BICRA: variants seen among roughly 807,000 people sequenced by gnomAD.
The protein encoded by BICRA is BRD4-interacting chromatin-remodeling complex-associated protein.
BICRA carries 31 observed loss-of-function variants against 96.9 expected under a neutral mutation model. That is an observed-to-expected ratio of 0.32 (90% CI 0.24 to 0.43). The LOEUF (loss-of-function observed/expected upper bound fraction) is 0.43, where lower values mean the gene tolerates loss of function less well. Among genes scored for constraint, BICRA ranks in the 20% least tolerant of loss-of-function variants. BICRA has a pLI of 1.00. For missense variants in BICRA, 2,283 were observed against 2,190.3 expected, an observed-to-expected ratio of 1.04 and a Z score of -0.84; for synonymous variants, 1,350 against 1,071.8, an observed-to-expected ratio of 1.26 and a Z score of -5.07.
intron 1 of BICRA, among the ~76,000 whole-genome samples, chr19:47,609,478 C>A (rs1196395169): frequency 3.2e-5 from 1 of 31,314 alleles, no homozygotes; most frequent in Non-Finnish European, 1.8e-4. Flanking sequence ...CCTATGGGGA[C>A]CCCCCCCCAA....
In BICRA at chr19:47,664,770, G is replaced by T. The variant is rs938186198; in HGVS notation, c.-107-5673G>T. Among the ~76,000 whole-genome samples, 4 of 152,342 alleles carry T rather than the reference G, an allele frequency of 2.6e-5. No homozygotes were observed. The South Asian group carries it at 8.3e-4, about 32-fold the overall frequency. ...TCGTGTGTGTGCCCGTGGGGGGTTG[G>T]CTGTGGCTCTGGCCACATGTCCGCC... On this transcript the variant is annotated intron_variant, in intron 1 of 14. Transcript: ENST00000594866.
At chr19:47,688,838 T>G (rs1433851718) in intron 7 of BICRA, among the ~76,000 whole-genome samples, 2 of 152,216 alleles carry the variant, frequency 1.3e-5, no homozygotes, top group African/African-American at 4.8e-5. Flanking sequence ...ATTTTTTGTT[T>G]TTGAGACAGA....
In BICRA at chr19:47,691,294, C is replaced by T. The variant is rs140226980; in HGVS notation, c.2284-2821C>T. Among the ~76,000 whole-genome samples the T allele has an allele frequency of 2.0e-4, 31 of 152,344 alleles. No individual in the cohort carries two copies. The East Asian group carries it at 4.0e-3, about 20-fold the overall frequency. On this transcript the variant is annotated intron_variant, in intron 7 of 14. Transcript: ENST00000594866. ...CAGACAGAATGCTCAGGATGGGAGC[C>T]GCAGGCTTTTTATAACTAATCTTGG...
intron 4 of BICRA, among the ~76,000 whole-genome samples, chr19:47,674,056 A>G (rs1972905699): frequency 6.6e-6 from 1 of 152,244 alleles, no homozygotes; most frequent in Admixed American, 6.5e-5. Flanking sequence ...GAGGTTTAAA[A>G]GAAAATAAAT....
chr19:47,698,585 G>GACC lies in BICRA; in HGVS notation c.3249-49_3249-48insACC. The GACC allele has an allele frequency of 5.5e-6, 3 of 549,028 alleles. No individual in the cohort carries two copies. The highest frequency in any genetic ancestry group is 1.1e-5 in the Non-Finnish European group (3 of 275,624). 34.0% of individuals were successfully genotyped at this position (549,028 alleles called of 1,614,324 possible). A position where few individuals can be genotyped will look rare whatever the true frequency, so the allele number is the denominator to read the frequency against. On this transcript the variant is annotated intron_variant, in intron 11 of 14. Coordinates refer to ENST00000594866, the MANE Select transcript of BICRA (RefSeq NM_001394372.1). This position sits in a 1 kb window ranked among gnomAD's most constrained non-coding sequence, Gnocchi z 4.8. ...CAGGGACTTCCCCTGGCCCTCACCC[G>GACC]TCCCCCCCACCCTCCGCCGTGTGTG...
At chr19:47,620,677 A>AC (rs1555784135) in intron 1 of BICRA, among the ~76,000 whole-genome samples, 8 of 150,790 alleles carry the variant, frequency 5.3e-5, no homozygotes, top group Non-Finnish European at 1.0e-4. Flanking sequence ...CAAAAAAAAA[A>AC]AAAAAAAAAA....
intron 1 of BICRA, among the ~76,000 whole-genome samples, chr19:47,610,902 C>G (rs951415903): frequency 6.6e-6 from 1 of 152,118 alleles, no homozygotes; most frequent in Non-Finnish European, 1.5e-5. Flanking sequence ...GACATGTTGA[C>G]CTCCCTTGCC....
chr19:47,631,423 T>C (rs1357368114), intron 1 of BICRA, among the ~76,000 whole-genome samples: 1 of 152,122 alleles, frequency 6.6e-6, no homozygotes, highest in Non-Finnish European at 1.5e-5. Context: ...AGACAGGGTT[T>C]CACCATATTG....
At chr19:47,609,874 G>A (rs755444881) in intron 1 of BICRA, among the ~76,000 whole-genome samples, 14 of 152,100 alleles carry the variant, frequency 9.2e-5, no homozygotes, top group Admixed American at 2.0e-4. Flanking sequence ...AATGAAAGGA[G>A]TTGACTTGAC....
intron 1 of BICRA, among the ~76,000 whole-genome samples, chr19:47,646,175 C>T (rs547833560): frequency 4.6e-5 from 7 of 152,138 alleles, no homozygotes; most frequent in Admixed American, 3.9e-4. Context: ...ATTTTGGGAT[C>T]TGGCAGGGGG....
rs1323792842 is a variant in BICRA, at chr19:47,694,555, C to G, written c.2724C>G (p.Leu908=). 1.9e-6 allele frequency: 3 copies of G among 1,611,316 alleles called. No homozygotes were observed. ...CCCCTACGCCATCCGACTTCCAGCT[C>G]CAGTTCCCACCCAGCCAGGGGCCCC... ...LPAPTPSDFQ[L]QFPPSQGPHK... Residue 908 remains leucine (L), a synonymous_variant, in exon 8 of 15, where the codon CTC becomes CTG. Transcript: ENST00000594866.
intron 1 of BICRA, among the ~76,000 whole-genome samples, chr19:47,660,348 G>A (rs1397073813): frequency 6.6e-6 from 1 of 152,116 alleles, no homozygotes; most frequent in Admixed American, 6.5e-5. Context: ...AGGATTTTGA[G>A]CCTACCCAGA....
chr19:47,623,066 C>G (rs908502119), intron 1 of BICRA, among the ~76,000 whole-genome samples: 4 of 151,504 alleles, frequency 2.6e-5, no homozygotes, highest in Non-Finnish European at 5.9e-5. Context: ...TGTGTGTACT[C>G]TCATATATTA....
chr19:47,615,071 C>T (rs1310094224), intron 1 of BICRA, among the ~76,000 whole-genome samples: 3 of 152,190 alleles, frequency 2.0e-5, no homozygotes, highest in Non-Finnish European at 4.4e-5. Flanking sequence ...CAGCATTATC[C>T]TTCCTGGGCT....
chr19:47,682,672 C>T (rs1443451716), intron 7 of BICRA, among the ~76,000 whole-genome samples: 5 of 135,514 alleles, frequency 3.7e-5, no homozygotes, highest in African/African-American at 1.2e-4. Context: ...TTCATTCTCT[C>T]TCTCTTTTTT....
At chr19:47,634,836 C>CACTGCAAGCTCTGCTTCCCG (rs984342731) in intron 1 of BICRA, among the ~76,000 whole-genome samples, 3 of 147,716 alleles carry the variant, frequency 2.0e-5, no homozygotes, top group African/African-American at 7.5e-5. Context: ...GATCTCGGCT[C>CACTGCAAGCTCTGCTTCCCG]ACTGCAAGCT....
chr19:47,622,239 C>T (rs1222862258), intron 1 of BICRA, among the ~76,000 whole-genome samples: 1 of 151,588 alleles, frequency 6.6e-6, no homozygotes, highest in Non-Finnish European at 1.5e-5. Flanking sequence ...GCTGGAATTA[C>T]AGGTGTGAGC....
At chr19:47,685,512 T>C (rs1973131166) in intron 7 of BICRA, among the ~76,000 whole-genome samples, 1 of 152,100 alleles carries the variant, frequency 6.6e-6, no homozygotes, top group South Asian at 2.1e-4. Flanking sequence ...ATGGATGGCA[T>C]GGGTGGGTGT....
chr19:47,660,823 CA>C (rs964951497), intron 1 of BICRA, among the ~76,000 whole-genome samples: 26 of 152,260 alleles, frequency 1.7e-4, no homozygotes, highest in African/African-American at 5.8e-4. Context: ...GGCAAGTACC[CA>C]ACCCTTTTTG....
Sources: allele counts gnomAD v4.1 joint callset (sites outside exome capture counted in the v4.1 genomes callset), GRCh38; gene constraint gnomAD v4.1.1; non-coding constraint Gnocchi (gnomAD v3.1); transcripts MANE v1.5; gene names NCBI Gene and HGNC (gene_info 2026-07-23, HGNC 2026-07-21).